CFAP61: variants seen among roughly 807,000 people sequenced by gnomAD.
The protein encoded by CFAP61 is cilia and flagella associated protein 61, also known as cilia- and flagella-associated protein 61.
In CFAP61, 107 loss-of-function variants were observed where a neutral mutation model predicts 135.6. That is an observed-to-expected ratio of 0.79 (90% CI 0.67 to 0.93). CFAP61 has a LOEUF of 0.93. Among genes scored for constraint, CFAP61 ranks in the 40% least tolerant of loss-of-function variants. The pLI, the probability that CFAP61 is intolerant of heterozygous loss-of-function variation, is 0.00. For missense variants in CFAP61, 1,507 were observed against 1,556.2 expected, an observed-to-expected ratio of 0.97 and a Z score of 0.53; for synonymous variants, 575 against 578.5, an observed-to-expected ratio of 0.99 and a Z score of 0.09.
intron 17 of CFAP61, among the ~76,000 whole-genome samples, chr20:20,204,442 A>G (rs182668340): frequency 8.5e-5 from 13 of 152,218 alleles, no homozygotes; most frequent in Non-Finnish European, 1.8e-4. Flanking sequence ...GATGTCACTC[A>G]CTGGCATTCA....
At position 20,090,861 on chromosome 20, in the gene CFAP61, A is replaced by T; in HGVS notation, c.584A>T (p.Asp195Val). Residue 195 changes from aspartate (D) to valine (V), a missense_variant, in exon 7 of 27, where the codon GAT (aspartate) becomes GTT (valine). Asp to Val is a radical substitution (Grantham distance 152). Transcript: ENST00000245957. ...TTAAACAGGGTGGAAGACCATGACG[A>T]TCTCATGCCAATATTTATGCGCTAT... ...VRKARVEDHD[D>V]LMPIFMRYDT... The T allele has an allele frequency of 6.2e-7, 1 of 1,614,160 alleles. No homozygotes were observed. Among genetic ancestry groups the T allele is most frequent in the Non-Finnish European group, 8.5e-7 (1 of 1,180,024 alleles).
rs11087302 is a variant in CFAP61, at chr20:20,099,127, TCACACACACACA to T, written c.859+330_859+341del. Among the ~76,000 whole-genome samples, 632 of 149,474 alleles carry T rather than the reference TCACACACACACA, an allele frequency of 4.2e-3. 4 individuals are homozygous for T. The highest frequency in any genetic ancestry group is 0.015 in the African/African-American group (590 of 40,596). Reference sequence around the variant, plus strand: ...GAAATAATTACTGGTGTTTCAGGTTTCACACACACACACACACACACACACACAACCAAATAC... The same window carrying T: ...GAAATAATTACTGGTGTTTCAGGTTTCACACACACACACACAACCAAATAC... On this transcript the variant is annotated intron_variant, in intron 8 of 26. Coordinates refer to ENST00000245957, the MANE Select transcript of CFAP61 (RefSeq NM_015585.4).
At chr20:20,200,339 G>A (rs751181540) in intron 17 of CFAP61, among the ~76,000 whole-genome samples, 5 of 152,144 alleles carry the variant, frequency 3.3e-5, no homozygotes, top group East Asian at 1.9e-4. Flanking sequence ...TTTGGGCCCC[G>A]GGTCCTAAGC....
At chr20:20,330,245 A>G (rs2057930616) in intron 25 of CFAP61, among the ~76,000 whole-genome samples, 1 of 152,246 alleles carries the variant, frequency 6.6e-6, no homozygotes, top group South Asian at 2.1e-4. Context: ...CAAAAACAGT[A>G]ATAAGCTATT....
chr20:20,090,788 GT>G, intron 6 of CFAP61, 55 bp from the exon 7 acceptor site: 1 of 1,599,218 alleles, frequency 6.3e-7, no homozygotes, highest in Non-Finnish European at 8.5e-7. Context: ...TTGGTGCCCT[GT>G]TGAAGGAAAA....
In CFAP61 at chr20:20,056,675, A is replaced by G; in HGVS notation, c.22A>G (p.Arg8Gly). 2 of 1,614,138 alleles carry G rather than the reference A, an allele frequency of 1.2e-6. No individual in the cohort carries two copies. Among genetic ancestry groups the G allele is most frequent in the Non-Finnish European group, 1.7e-6 (2 of 1,179,990 alleles). Reference sequence around the variant, plus strand: ...AAAAATGTCAGTACTCACTTCTCCAAGAGGAAAGGTAGAAGTTGTTCATTG... The same window carrying G: ...AAAAATGTCAGTACTCACTTCTCCAGGAGGAAAGGTAGAAGTTGTTCATTG... MSVLTSP[R>G]GKVEVVHCRR... The change falls in exon 2 of 27, where the codon AGA becomes GGA. Residue 8 changes from arginine (R) to glycine (G), a missense_variant. Physicochemically the swap from Arg to Gly is moderately radical, Grantham distance 125. Transcript: ENST00000245957.
rs772522238 is a variant in CFAP61 at position 20,277,341 on chromosome 20, C to T, written c.2679C>T (p.Ala893=). 6.2e-7 allele frequency: 1 copy of T among 1,614,176 alleles called. No individual in the cohort carries two copies. Among genetic ancestry groups the T allele is most frequent in the African/African-American group, 1.3e-5 (1 of 75,052 alleles). Reference sequence around the variant, plus strand: ...CCGTGGCGGACGCGCTAGGAGCCGCCGGAGTCACTATGTACCGGGATGCGA... The same window carrying T: ...CCGTGGCGGACGCGCTAGGAGCCGCTGGAGTCACTATGTACCGGGATGCGA... ...ESAVADALGA[A]GVTMYRDAIL... The change falls in exon 22 of 27, where the codon GCC becomes GCT. Residue 893 remains alanine, a synonymous_variant. Transcript: ENST00000245957.
chr20:20,321,197 G>A (rs553383651), intron 25 of CFAP61, among the ~76,000 whole-genome samples: 5 of 152,040 alleles, frequency 3.3e-5, no homozygotes, highest in Non-Finnish European at 7.4e-5. Flanking sequence ...GTTTTAAAAA[G>A]ATAAAACTTC....
At chr20:20,204,125 G>A (rs1601386307) in intron 17 of CFAP61, among the ~76,000 whole-genome samples, 1 of 152,088 alleles carries the variant, frequency 6.6e-6, no homozygotes, top group Admixed American at 6.5e-5. Flanking sequence ...TTGGTTTATT[G>A]TGTTCATAGA....
At chr20:20,074,492 T>A (rs1403089648) in intron 4 of CFAP61, 114 bp downstream of exon 4, 1 of 847,268 alleles carries the variant, frequency 1.2e-6, no homozygotes, top group Non-Finnish European at 2.0e-6. Flanking sequence ...TTGTAATTTG[T>A]GGCTATATTA....
chr20:20,321,854 A>T (rs1602008975), intron 25 of CFAP61, among the ~76,000 whole-genome samples: 1 of 152,122 alleles, frequency 6.6e-6, no homozygotes, highest in South Asian at 2.1e-4. Context: ...GAACCTGGGC[A>T]AGCTTGTGAT....
intron 16 of CFAP61, among the ~76,000 whole-genome samples, chr20:20,197,346 A>G (rs1415446871): frequency 6.6e-6 from 1 of 152,196 alleles, no homozygotes; most frequent in Non-Finnish European, 1.5e-5. Context: ...TGATGTGTAT[A>G]CATGGTGTGT....
Position 20,245,966 on chromosome 20 carries a change from G to T in CFAP61, c.2061-151G>T, listed in dbSNP as rs112101862. 1.3e-5 allele frequency: 8 copies of T among 601,938 alleles called. No individual in the cohort carries two copies. The East Asian group carries it at 2.0e-4, about 15-fold the overall frequency. The allele number at this position is 601,938 out of a possible 1,614,324, so 37.3% of individuals were successfully genotyped here. ...CTTCCTTTTTTCCTTGAAATGGTTG[G>T]TTCTATCTGAAGGTTCGTGCAAAGA... On this transcript the variant is annotated intron_variant, in intron 18 of 26. Coordinates refer to ENST00000245957, the MANE Select transcript of CFAP61 (RefSeq NM_015585.4).
At chr20:20,140,810 A>C (rs2051334882) in intron 8 of CFAP61, among the ~76,000 whole-genome samples, 1 of 152,076 alleles carries the variant, frequency 6.6e-6, no homozygotes, top group Non-Finnish European at 1.5e-5. Context: ...CTTGGAACCA[A>C]CCCAAATGTC....
At chr20:20,056,582 T>C in intron 1 of CFAP61, 36 bp from the exon 2 acceptor site, 1 of 1,479,402 alleles carries the variant, frequency 6.8e-7, no homozygotes, top group South Asian at 1.2e-5. Flanking sequence ...TTTGTGTGTA[T>C]TATAACCAAA....
chr20:20,175,193 A>G (rs2054520089), intron 13 of CFAP61, among the ~76,000 whole-genome samples: 1 of 152,224 alleles, frequency 6.6e-6, no homozygotes, highest in African/African-American at 2.4e-5. Context: ...GGCTGGATGT[A>G]CGGCCACCAT....
intron 26 of CFAP61, among the ~76,000 whole-genome samples, chr20:20,353,254 G>T (rs537080214): frequency 2.0e-5 from 3 of 152,182 alleles, no homozygotes; most frequent in Admixed American, 1.3e-4. Context: ...TCAAAGATCA[G>T]AAAAAAACAA....
chr20:20,097,204 A>T (rs1454689265), intron 7 of CFAP61, among the ~76,000 whole-genome samples: 1 of 151,822 alleles, frequency 6.6e-6, no homozygotes, highest in East Asian at 1.9e-4. Flanking sequence ...TTATGGAAAG[A>T]TGCTGCGTTC....
At chr20:20,229,369 C>T (rs117125822) in intron 18 of CFAP61, among the ~76,000 whole-genome samples, 1 of 152,292 alleles carries the variant, frequency 6.6e-6, no homozygotes, top group Non-Finnish European at 1.5e-5. Context: ...TGTTTTAAAA[C>T]CCTGACTTTG....
Sources: allele counts gnomAD v4.1 joint callset (sites outside exome capture counted in the v4.1 genomes callset), GRCh38; gene constraint gnomAD v4.1.1; transcripts MANE v1.5; gene names NCBI Gene and HGNC (gene_info 2026-07-23, HGNC 2026-07-21).